Variants in CDK19 observed in about 807,000 individuals in gnomAD.
The protein encoded by CDK19 is cyclin-dependent kinase 19.
CDK19 carries 20 observed loss-of-function variants against 68.3 expected under a neutral mutation model. The observed-to-expected ratio is 0.29, with a 90% CI of 0.21 to 0.43. The LOEUF is 0.43. Ranked by LOEUF, CDK19 falls within the 20% of genes least tolerant of loss-of-function variation. The pLI, the probability that CDK19 is intolerant of heterozygous loss-of-function variation, is 1.00. For missense variants in CDK19, 339 were observed against 623.5 expected (o/e 0.54, Z 4.86); for synonymous variants, 221 against 222.8 (o/e 0.99, Z 0.07).
At chr6:110,791,032 A>G (rs1781556926) in intron 1 of CDK19, among the ~76,000 whole-genome samples, 1 of 152,002 alleles carries the variant, frequency 6.6e-6, no homozygotes, top group Admixed American at 6.6e-5. Flanking sequence ...TTAGCCGGGC[A>G]TGGTGGCAGG....
At chr6:110,650,483 T>C (rs1430663799) in intron 4 of CDK19, among the ~76,000 whole-genome samples, 1 of 152,246 alleles carries the variant, frequency 6.6e-6, no homozygotes, top group African/African-American at 2.4e-5. Flanking sequence ...AATATTCTTG[T>C]ATATGTATCA....
intron 2 of CDK19, among the ~76,000 whole-genome samples, chr6:110,712,040 C>G (rs932465948): frequency 6.6e-6 from 1 of 152,300 alleles, no homozygotes; most frequent in Admixed American, 6.5e-5. Context: ...AGATTGGCTA[C>G]TTTTTTAACT....
rs995961428 is a variant in CDK19, at chr6:110,623,901, A to G, written c.861-539T>C. Among the ~76,000 whole-genome samples the G allele has an allele frequency of 5.4e-5, 8 of 147,256 alleles. No homozygotes were observed. In the East Asian group the frequency reaches 9.8e-4, roughly 18 times the overall value. The stretch of plus-strand genomic sequence containing the variant: ...TACGTATATATATATGTGTGTGTAT[A>G]TATATATACGTATATATATATACGT... On this transcript the variant is annotated intron_variant, in intron 8 of 12. Transcript: ENST00000368911.
At chr6:110,720,293 T>A (rs1775763801) in intron 2 of CDK19, among the ~76,000 whole-genome samples, 1 of 152,140 alleles carries the variant, frequency 6.6e-6, no homozygotes, top group Non-Finnish European at 1.5e-5. Context: ...TTAGAGACCT[T>A]AGACAAGACT....
chr6:110,814,080 C>G (rs1457978358), intron 1 of CDK19: 1 of 159,048 alleles, frequency 6.3e-6, no homozygotes, highest in Non-Finnish European at 1.4e-5. Flanking sequence ...AAGAGGACAA[C>G]CAGTAAAGGC....
intron 1 of CDK19, among the ~76,000 whole-genome samples, chr6:110,757,124 C>T (rs958408108): frequency 1.2e-4 from 19 of 152,274 alleles, no homozygotes; most frequent in Middle Eastern, 6.8e-3. Context: ...CAAAACCACA[C>T]ACGGGCAGAG....
intron 4 of CDK19, among the ~76,000 whole-genome samples, chr6:110,659,655 C>T (rs888773603): frequency 2.0e-5 from 3 of 152,152 alleles, no homozygotes; most frequent in African/African-American, 4.8e-5. Flanking sequence ...GTGATAAATT[C>T]TGGACCTCAA....
intron 2 of CDK19, among the ~76,000 whole-genome samples, chr6:110,672,110 C>G (rs983911433): frequency 6.6e-6 from 1 of 152,156 alleles, no homozygotes; most frequent in African/African-American, 2.4e-5. Context: ...TTAATGACCC[C>G]ATTGCTATGG....
chr6:110,755,586 C>T (rs956529686), intron 1 of CDK19, among the ~76,000 whole-genome samples: 3 of 152,038 alleles, frequency 2.0e-5, no homozygotes, highest in Non-Finnish European at 2.9e-5. Context: ...ACACCAGAAA[C>T]GTGTGGACAA....
intron 1 of CDK19, among the ~76,000 whole-genome samples, chr6:110,778,458 C>T (rs802657): frequency 0.29 from 43,525 of 151,992 alleles, 6,916 homozygotes; most frequent in East Asian, 0.68. Flanking sequence ...ACAGTTATGT[C>T]ATCAAAATAA....
intron 1 of CDK19, among the ~76,000 whole-genome samples, chr6:110,789,981 T>A (rs2115064774): frequency 6.6e-6 from 1 of 152,344 alleles, no homozygotes; most frequent in East Asian, 1.9e-4. Flanking sequence ...GTTCTCATTA[T>A]CTTTATAAAT....
At chr6:110,624,888 T>C (rs1778988397) in intron 8 of CDK19, among the ~76,000 whole-genome samples, 1 of 152,198 alleles carries the variant, frequency 6.6e-6, no homozygotes, top group South Asian at 2.1e-4. Context: ...TTGGGCAAGT[T>C]AGTTAACCTC....
Position 110,610,115 on chromosome 6 carries a change from T to A in CDK19, c.*4420A>T, listed in dbSNP as rs373293904. 1 of 152,238 alleles carries A rather than the reference T, an allele frequency of 6.6e-6. No homozygotes were observed. Among genetic ancestry groups the A allele is most frequent in the South Asian group, 2.1e-4 (1 of 4,824 alleles). The allele number at this position is 152,238 out of a possible 1,614,324, so 9.4% of individuals were successfully genotyped here. On this transcript the variant is annotated 3_prime_UTR_variant, in exon 13 of 13. Coordinates refer to ENST00000368911, the MANE Select transcript of CDK19 (RefSeq NM_015076.5). ...ACCCTCGCTCCAAAGCAGTAGCTCG[T>A]CCTGCACTCCATGGAGCAGGCCTCG...
At chr6:110,783,749 G>A (rs1780991416) in intron 1 of CDK19, among the ~76,000 whole-genome samples, 2 of 151,896 alleles carry the variant, frequency 1.3e-5, no homozygotes. Flanking sequence ...GGATCAAGCA[G>A]TGGTTTCTTA....
At chr6:110,666,344 G>T (rs1399759990) in intron 4 of CDK19, among the ~76,000 whole-genome samples, 1 of 135,264 alleles carries the variant, frequency 7.4e-6, no homozygotes. Flanking sequence ...AGAATTGCTT[G>T]AACCCAGGAG....
intron 4 of CDK19, among the ~76,000 whole-genome samples, chr6:110,647,493 A>G (rs1780684210): frequency 6.6e-6 from 1 of 152,216 alleles, no homozygotes; most frequent in Admixed American, 6.5e-5. Context: ...AATAAACTAC[A>G]TTAGATCCAG....
intron 2 of CDK19, among the ~76,000 whole-genome samples, chr6:110,736,977 T>G (rs1028777075): frequency 6.6e-6 from 1 of 152,238 alleles, no homozygotes; most frequent in African/African-American, 2.4e-5. Context: ...AATTTTTATA[T>G]TTTTAGGAGA....
chr6:110,706,760 A>G (rs1582910477), intron 2 of CDK19: 1 of 173,538 alleles, frequency 5.8e-6, no homozygotes, highest in Non-Finnish European at 1.3e-5. Context: ...CCAGAGTAAC[A>G]TTGTGGGACA....
rs369106433 is a variant in CDK19, at chr6:110,799,144, TAAAAAAAAAAAA to T, written c.128+15853_128+15864del. 1.6e-4 allele frequency among the ~76,000 whole-genome samples: 8 copies of T among 49,138 alleles called. No individual in the cohort carries two copies. The South Asian group carries it at 3.3e-3, about 20-fold the overall frequency. The allele number at this position is 49,138 out of a possible 152,430, so 32.2% of individuals were successfully genotyped here. A position where few individuals can be genotyped will look rare whatever the true frequency, so the allele number is the denominator to read the frequency against. ...GGTGTTAAGAGTAAAACCCTGTATT[TAAAAAAAAAAAA>T]AAAAAAAAAAAAAATTCCTCATCTA... On this transcript the variant is annotated intron_variant, in intron 1 of 12. Coordinates refer to ENST00000368911, the MANE Select transcript of CDK19 (RefSeq NM_015076.5).
Sources: allele counts gnomAD v4.1 joint callset (sites outside exome capture counted in the v4.1 genomes callset), GRCh38; gene constraint gnomAD v4.1.1; transcripts MANE v1.5; gene names NCBI Gene and HGNC (gene_info 2026-07-23, HGNC 2026-07-21).